Variants in SLC16A10 observed in about 807,000 individuals in gnomAD.
SLC16A10 encodes monocarboxylate transporter 10.
Under a neutral mutation model 40.0 loss-of-function variants are expected in SLC16A10, and 27 were observed. The observed-to-expected ratio is 0.67, with a 90% CI of 0.50 to 0.93. The LOEUF (loss-of-function observed/expected upper bound fraction) is 0.93, where lower values mean the gene tolerates loss of function less well. Among genes scored for constraint, SLC16A10 ranks in the 40% least tolerant of loss-of-function variants. The pLI is 0.00. For synonymous variants in SLC16A10, 213 were observed against 249.8 expected, an observed-to-expected ratio of 0.85 and a Z score of 1.39; for missense variants, 529 against 658.2, an observed-to-expected ratio of 0.80 and a Z score of 2.15.
At chr6:111,210,306 A>G (rs1281597389) in intron 4 of SLC16A10, among the ~76,000 whole-genome samples, 1 of 152,202 alleles carries the variant, frequency 6.6e-6, no homozygotes, top group Non-Finnish European at 1.5e-5. Flanking sequence ...CCAGGCAGTC[A>G]CAGGACAGTC....
At chr6:111,110,555 A>G (rs1477155252) in intron 1 of SLC16A10, among the ~76,000 whole-genome samples, 1 of 152,132 alleles carries the variant, frequency 6.6e-6, no homozygotes, top group Non-Finnish European at 1.5e-5. Context: ...AATGGGAGCA[A>G]ATGTAGGTAG....
At chr6:111,163,911 G>T (rs889571521) in intron 1 of SLC16A10, among the ~76,000 whole-genome samples, 1 of 152,076 alleles carries the variant, frequency 6.6e-6, no homozygotes, top group Non-Finnish European at 1.5e-5. Context: ...TTTATTTTTT[G>T]ATGAAATCTT....
At chr6:111,196,741 A>G (rs1773085596) in intron 3 of SLC16A10, among the ~76,000 whole-genome samples, 1 of 152,132 alleles carries the variant, frequency 6.6e-6, no homozygotes, top group South Asian at 2.1e-4. Flanking sequence ...ATTGAAATAT[A>G]AAAATGCAGA....
At chr6:111,188,054 T>G (rs1410937332) in intron 3 of SLC16A10, among the ~76,000 whole-genome samples, 2 of 152,210 alleles carry the variant, frequency 1.3e-5, no homozygotes, top group African/African-American at 4.8e-5. Context: ...CCCCGTTACA[T>G]GTCCCCAGCC....
intron 1 of SLC16A10, among the ~76,000 whole-genome samples, chr6:111,101,988 C>T (rs557021804): frequency 6.6e-6 from 1 of 152,140 alleles, no homozygotes; most frequent in African/African-American, 2.4e-5. Flanking sequence ...TTTTAAGGTA[C>T]ATTTTTCTGT....
At chr6:111,216,536 G>A (rs1773423726) in intron 4 of SLC16A10, among the ~76,000 whole-genome samples, 1 of 150,894 alleles carries the variant, frequency 6.6e-6, no homozygotes, top group Non-Finnish European at 1.5e-5. Flanking sequence ...CCGAGTAACT[G>A]GGACTACAGG....
In SLC16A10 at chr6:111,224,166, T is replaced by TA. The variant is rs141040439; in HGVS notation, c.*1931_*1932insA. ...AGGTAGTGGAAGGATTGCTTGAGCCTTGAGATGGAGGCTGCAGTGAGCTAT... is the reference window on the plus strand; with the variant it reads ...AGGTAGTGGAAGGATTGCTTGAGCCTATGAGATGGAGGCTGCAGTGAGCTAT... On this transcript the variant is annotated 3_prime_UTR_variant, in exon 6 of 6. Coordinates refer to ENST00000368851, the MANE Select transcript of SLC16A10 (RefSeq NM_018593.5). 0.82 allele frequency: 124,581 copies of TA among 151,610 alleles called. 51,397 individuals are homozygous for TA. The highest frequency in any genetic ancestry group is 0.87 in the South Asian group (4,197 of 4,820). The allele number at this position is 151,610 out of a possible 1,614,324, so 9.4% of individuals were successfully genotyped here.
intron 3 of SLC16A10, among the ~76,000 whole-genome samples, chr6:111,194,995 A>G (rs531435379): frequency 1.4e-4 from 22 of 152,130 alleles, no homozygotes; most frequent in Non-Finnish European, 3.2e-4. Context: ...TGCATCCCTT[A>G]TACCTTCACA....
intron 1 of SLC16A10, among the ~76,000 whole-genome samples, chr6:111,140,485 A>G (rs534582094): frequency 8.6e-5 from 13 of 151,808 alleles, no homozygotes; most frequent in Non-Finnish European, 1.8e-4. Flanking sequence ...GAAAAGGAAC[A>G]GAATGTTACC....
At chr6:111,179,607 T>C (rs1772752726) in intron 3 of SLC16A10, among the ~76,000 whole-genome samples, 1 of 152,206 alleles carries the variant, frequency 6.6e-6, no homozygotes, top group South Asian at 2.1e-4. Flanking sequence ...TAAAATTTCA[T>C]AGTGGAAGGT....
intron 1 of SLC16A10, among the ~76,000 whole-genome samples, chr6:111,093,996 A>G (rs918991682): frequency 6.6e-5 from 10 of 152,222 alleles, no homozygotes; most frequent in Non-Finnish European, 1.5e-4. Context: ...AATTAAATAC[A>G]ACAATGTGAG....
chr6:111,202,797 G>C (rs1459786747), intron 3 of SLC16A10, among the ~76,000 whole-genome samples: 2 of 149,880 alleles, frequency 1.3e-5, no homozygotes, highest in South Asian at 2.1e-4. Flanking sequence ...TGAGGCAGGG[G>C]AATTGCTTGA....
At chr6:111,198,065 T>C (rs1311392184) in intron 3 of SLC16A10, among the ~76,000 whole-genome samples, 1 of 152,138 alleles carries the variant, frequency 6.6e-6, no homozygotes. Flanking sequence ...GGCAGGCAGA[T>C]CATTTGAGGT....
chr6:111,220,368 T>C (rs552553394), intron 5 of SLC16A10, among the ~76,000 whole-genome samples: 1 of 152,360 alleles, frequency 6.6e-6, no homozygotes, highest in Non-Finnish European at 1.5e-5. Context: ...AGAAATTCTC[T>C]GAATGATATT....
chr6:111,105,545 T>C (rs1338788254), intron 1 of SLC16A10, among the ~76,000 whole-genome samples: 1 of 152,212 alleles, frequency 6.6e-6, no homozygotes, highest in East Asian at 1.9e-4. Flanking sequence ...TATGGCACTT[T>C]CTGGCTGGGA....
At chr6:111,088,646 C>T in intron 1 of SLC16A10, among the ~76,000 whole-genome samples, 1 of 152,136 alleles carries the variant, frequency 6.6e-6, no homozygotes. Context: ...CCGTGCGTTC[C>T]CGTCCCCCCG....
intron 1 of SLC16A10, among the ~76,000 whole-genome samples, chr6:111,144,004 G>A (rs1389864066): frequency 3.3e-5 from 5 of 152,232 alleles, no homozygotes; most frequent in East Asian, 1.9e-4. Context: ...TGATGTTTCA[G>A]TGTAGGTTCC....
At chr6:111,107,489 C>T (rs892024187) in intron 1 of SLC16A10, among the ~76,000 whole-genome samples, 18 of 152,034 alleles carry the variant, frequency 1.2e-4, no homozygotes, top group Admixed American at 6.6e-4. Context: ...TAAGAAGGGA[C>T]GAGATGATGT....
At chr6:111,111,274 G>A (rs1008813212) in intron 1 of SLC16A10, among the ~76,000 whole-genome samples, 2 of 152,022 alleles carry the variant, frequency 1.3e-5, no homozygotes, top group African/African-American at 4.8e-5. Flanking sequence ...GTGATGTTTT[G>A]TATTATGTAT....
Sources: allele counts gnomAD v4.1 joint callset (sites outside exome capture counted in the v4.1 genomes callset), GRCh38; gene constraint gnomAD v4.1.1; transcripts MANE v1.5; gene names NCBI Gene and HGNC (gene_info 2026-07-23, HGNC 2026-07-21).